Variants in PDE4D observed in about 807,000 individuals in gnomAD.
PDE4D encodes 3',5'-cyclic-AMP phosphodiesterase 4D.
PDE4D carries 24 observed loss-of-function variants against 87.4 expected under a neutral mutation model. The ratio of observed to expected loss-of-function variants is 0.27; its 90% CI spans 0.20 to 0.39. The LOEUF is 0.39. PDE4D is among the 10% of genes least tolerant of loss of function. The pLI, the probability that PDE4D is intolerant of heterozygous loss-of-function variation, is 1.00. For synonymous variants in PDE4D, 384 were observed against 383.2 expected (o/e 1.00, Z -0.02); for missense variants, 714 against 1,041.0 (o/e 0.69, Z 4.32).
chr5:59,496,738 CG>C (rs1807284765), intron 1 of PDE4D, among the ~76,000 whole-genome samples: 1 of 152,138 alleles, frequency 6.6e-6, no homozygotes, highest in East Asian at 1.9e-4. Context: ...GAATGGTTGT[CG>C]AGAAGGGGTC....
chr5:59,920,272 T>C (rs1282025581), intron 3 of PDE4D, among the ~76,000 whole-genome samples: 1 of 152,214 alleles, frequency 6.6e-6, no homozygotes, highest in East Asian at 1.9e-4. Context: ...ATTAAGCTAA[T>C]TATAAATAAC....
intron 1 of PDE4D, among the ~76,000 whole-genome samples, chr5:59,381,487 TC>T (rs1185925879): frequency 7.6e-6 from 1 of 131,490 alleles, no homozygotes; most frequent in African/African-American, 3.0e-5. Context: ...GAAACATATA[TC>T]TTTTTTTGAA....
At chr5:59,561,719 C>T (rs1462650424) in intron 1 of PDE4D, among the ~76,000 whole-genome samples, 1 of 152,000 alleles carries the variant, frequency 6.6e-6, no homozygotes. Flanking sequence ...CACCTGTGGT[C>T]AGGAGTTTGA....
chr5:60,064,944 CAA>C (rs1331151276), intron 2 of PDE4D, among the ~76,000 whole-genome samples: 8 of 152,152 alleles, frequency 5.3e-5, no homozygotes, highest in Admixed American at 1.3e-4. Context: ...GCCTTGACTG[CAA>C]AAGAGTAGGA....
chr5:59,771,439 AAGAAAG>A (rs1413032344), intron 1 of PDE4D, among the ~76,000 whole-genome samples: 45 of 88,976 alleles, frequency 5.1e-4, no homozygotes, highest in East Asian at 7.9e-4. Context: ...AAGAAAAAGA[AAGAAAG>A]AAAGAAAGAA....
chr5:59,751,920 G>A (rs534986446), intron 1 of PDE4D, among the ~76,000 whole-genome samples: 21 of 152,212 alleles, frequency 1.4e-4, no homozygotes, highest in Middle Eastern at 6.8e-3. Context: ...TCAAGTTGCA[G>A]TGAATATTCA....
At chr5:59,832,791 T>A (rs1013243392) in intron 1 of PDE4D, among the ~76,000 whole-genome samples, 3 of 152,068 alleles carry the variant, frequency 2.0e-5, no homozygotes, top group Non-Finnish European at 2.9e-5. Context: ...AAAGATCATC[T>A]CACTTCTCTG....
intron 2 of PDE4D, among the ~76,000 whole-genome samples, chr5:60,054,349 G>A (rs536933017): frequency 1.2e-4 from 18 of 152,324 alleles, no homozygotes; most frequent in Admixed American, 3.9e-4. Flanking sequence ...ATACTATGCA[G>A]CCATAAAAAG....
chr5:60,500,070 A>G (rs1749998815), intron 1 of PDE4D, among the ~76,000 whole-genome samples: 1 of 151,788 alleles, frequency 6.6e-6, no homozygotes, highest in African/African-American at 2.4e-5. Flanking sequence ...GCACTTAGGG[A>G]GATTGAAACA....
At chr5:60,004,837 C>T (rs571567520) in intron 2 of PDE4D, among the ~76,000 whole-genome samples, 39 of 152,204 alleles carry the variant, frequency 2.6e-4, no homozygotes, top group African/African-American at 8.4e-4. Flanking sequence ...ATTGGGAACG[C>T]TTGTAGCACT....
At chr5:59,878,474 C>T (rs545889703) in intron 1 of PDE4D, among the ~76,000 whole-genome samples, 12 of 152,006 alleles carry the variant, frequency 7.9e-5, no homozygotes, top group African/African-American at 2.2e-4. Flanking sequence ...TATTTATTTA[C>T]TTACTTACTA....
At chr5:59,496,184 C>T (rs966477321) in intron 1 of PDE4D, among the ~76,000 whole-genome samples, 1 of 152,110 alleles carries the variant, frequency 6.6e-6, no homozygotes, top group African/African-American at 2.4e-5. Context: ...CGACCAAACT[C>T]CGCGTCATTC....
chr5:60,227,948 A>T (rs758436144), intron 1 of PDE4D, among the ~76,000 whole-genome samples: 6 of 151,736 alleles, frequency 4.0e-5, no homozygotes, highest in African/African-American at 9.7e-5. Context: ...CTATAATCAC[A>T]TTGTCTACAT....
chr5:60,121,693 G>A (rs1778698284), intron 2 of PDE4D, among the ~76,000 whole-genome samples: 1 of 152,084 alleles, frequency 6.6e-6, no homozygotes. Flanking sequence ...TGAGATTTGG[G>A]TGGGGACACG....
At chr5:60,468,920 A>G (rs1251457981) in intron 1 of PDE4D, among the ~76,000 whole-genome samples, 1 of 152,014 alleles carries the variant, frequency 6.6e-6, no homozygotes, top group Non-Finnish European at 1.5e-5. Context: ...AGCTCTCTCC[A>G]TCGTCCCCAC....
chr5:60,110,797 C>T (rs1467733693), intron 2 of PDE4D, among the ~76,000 whole-genome samples: 1 of 151,992 alleles, frequency 6.6e-6, no homozygotes, highest in Non-Finnish European at 1.5e-5. Flanking sequence ...GTGGTATATA[C>T]ACACAATGAA....
At chr5:59,931,826 T>C (rs1050957624) in intron 3 of PDE4D, among the ~76,000 whole-genome samples, 1 of 151,114 alleles carries the variant, frequency 6.6e-6, no homozygotes, top group Non-Finnish European at 1.5e-5. Context: ...CTCAGCCTCC[T>C]GAGTAGCTAG....
chr5:59,916,954 A>ATTTTTT (rs750105496), intron 3 of PDE4D, among the ~76,000 whole-genome samples: 10 of 73,640 alleles, frequency 1.4e-4, no homozygotes, highest in African/African-American at 7.7e-4. Context: ...TGCCCGGCTA[A>ATTTTTT]TTTTTTTTTT....
At chr5:59,145,541 T>C (rs1485091315) in intron 5 of PDE4D, among the ~76,000 whole-genome samples, 1 of 152,254 alleles carries the variant, frequency 6.6e-6, no homozygotes, top group East Asian at 1.9e-4. Context: ...AATGCAATTT[T>C]ACATTCACCT....
Sources: gnomAD v4.1 joint callset for allele counts (sites outside exome capture counted in the v4.1 genomes callset) on GRCh38, gnomAD v4.1.1 for gene constraint, MANE v1.5 for transcripts, NCBI Gene and HGNC (gene_info 2026-07-23, HGNC 2026-07-21) for gene names.